ZNF23: variants seen among roughly 807,000 people sequenced by gnomAD.
ZNF23 encodes the protein zinc finger protein 23, also known as kruppel-like zinc finger factor X31.
A neutral mutation model predicts 56.2 loss-of-function variants in ZNF23; 48 were observed. The observed-to-expected ratio is 0.85, with a 90% CI of 0.68 to 1.09. The LOEUF (loss-of-function observed/expected upper bound fraction) is 1.09. Among genes scored for constraint, ZNF23 ranks in the 50% least tolerant of loss-of-function variants. ZNF23 has a pLI of 0.00. For missense variants in ZNF23, 805 were observed against 811.4 expected (o/e 0.99, Z 0.10); for synonymous variants, 266 against 283.3 (o/e 0.94, Z 0.61).
chr16:71,448,550 A>C lies in ZNF23; in HGVS notation c.1604T>G (p.Leu535Arg), dbSNP rs1400438373. 1.2e-6 allele frequency: 2 copies of C among 1,613,972 alleles called. No individual in the cohort carries two copies. The highest frequency in any genetic ancestry group is 2.7e-5 in the African/African-American group (2 of 74,956). Reference sequence around the variant, plus strand: ...TCCAGTATGGATTCGGTGATGATCAAGTAGGTTTCTTTTAGAAGTAAAGCA... The same window carrying C: ...TCCAGTATGGATTCGGTGATGATCACGTAGGTTTCTTTTAGAAGTAAAGCA... ...GRCFTSKRNL[L>R]DHHRIHTGEK... The change falls in exon 5 of 5, where the codon CTT becomes CGT. Residue 535 changes from leucine to arginine, a missense_variant. Leu to Arg is a moderately radical substitution (Grantham distance 102). Coordinates refer to ENST00000647773, the MANE Select transcript of ZNF23 (RefSeq NM_001381984.1).
intron 2 of ZNF23, among the ~76,000 whole-genome samples, chr16:71,456,368 C>A (rs552636630): frequency 6.6e-6 from 1 of 152,274 alleles, no homozygotes; most frequent in South Asian, 2.1e-4. Flanking sequence ...CTTCTCTGAT[C>A]AGGTCCTGCT....
intron 1 of ZNF23, among the ~76,000 whole-genome samples, chr16:71,459,344 G>A (rs922372112): frequency 3.3e-5 from 5 of 152,212 alleles, no homozygotes; most frequent in African/African-American, 1.2e-4. Context: ...CTCCTCAAAC[G>A]CCCTGCAAGG....
At chr16:71,456,402 C>T (rs2043234243) in intron 2 of ZNF23, among the ~76,000 whole-genome samples, 1 of 152,126 alleles carries the variant, frequency 6.6e-6, no homozygotes, top group South Asian at 2.1e-4. Context: ...ACATCCCCAC[C>T]ACAGATAGTC....
At position 71,448,544 on chromosome 16, in the gene ZNF23, T is replaced by A; in HGVS notation, c.1610A>T (p.His537Leu). ...CTTTTCTCCAGTATGGATTCGGTGATGATCAAGTAGGTTTCTTTTAGAAGT... is the reference window on the plus strand; with the variant it reads ...CTTTTCTCCAGTATGGATTCGGTGAAGATCAAGTAGGTTTCTTTTAGAAGT... ...CFTSKRNLLD[H>L]HRIHTGEKPY... The change falls in exon 5 of 5, where the codon CAT (histidine) becomes CTT (leucine). Residue 537 changes from histidine to leucine, a missense_variant. Transcript: ENST00000647773. The A allele has an allele frequency of 1.2e-6, 2 of 1,614,146 alleles. No individual in the cohort carries two copies. The highest frequency in any genetic ancestry group is 1.7e-6 in the Non-Finnish European group (2 of 1,180,024).
chr16:71,454,319 T>C (rs1462636522), intron 2 of ZNF23, 151 bp from the exon 3 acceptor site: 2 of 1,078,946 alleles, frequency 1.9e-6, no homozygotes, highest in Non-Finnish European at 2.5e-6. Flanking sequence ...AAAAAAAATA[T>C]CGAGAAAGTA....
At chr16:71,454,938 G>C (rs1380315803) in intron 2 of ZNF23, among the ~76,000 whole-genome samples, 1 of 152,064 alleles carries the variant, frequency 6.6e-6, no homozygotes, top group African/African-American at 2.4e-5. Context: ...TCACTCCCAG[G>C]CCCAACCACC....
chr16:71,453,848 G>T, intron 3 of ZNF23, 194 bp downstream of exon 3: 1 of 649,300 alleles, frequency 1.5e-6, no homozygotes, highest in Non-Finnish European at 2.7e-6. Flanking sequence ...CCAGTTCCAA[G>T]CAAAGTCCTA....
intron 3 of ZNF23, 132 bp downstream of exon 3, chr16:71,453,910 T>A: frequency 8.9e-7 from 1 of 1,126,770 alleles, no homozygotes; most frequent in Middle Eastern, 2.9e-4. Context: ...CCTCTAAGTC[T>A]AGATTAGGAA....
At position 71,455,928 on chromosome 16, in the gene ZNF23, T is replaced by C. The variant is rs1314412476; in HGVS notation, c.33+836A>G. The C allele has an allele frequency of 1.8e-5, 8 of 434,236 alleles. No homozygotes were observed. In the East Asian group the frequency reaches 2.1e-4, roughly 11 times the overall value. 26.9% of individuals were successfully genotyped at this position (434,236 alleles called of 1,614,324 possible). A position where few individuals can be genotyped will look rare whatever the true frequency, so the allele number is the denominator to read the frequency against. ...TACTCTACTCCCCTTTTGCCTTTTC[T>C]TTTTAGGTGGAAAGAGTACAACACA... On this transcript the variant is annotated intron_variant, in intron 2 of 4. Transcript: ENST00000647773.
At chr16:71,458,282 C>A (rs972616273) in intron 1 of ZNF23, among the ~76,000 whole-genome samples, 2 of 152,310 alleles carry the variant, frequency 1.3e-5, no homozygotes, top group African/African-American at 4.8e-5. Flanking sequence ...ACTTTTACTG[C>A]CCCTAAAGTC....
rs767112076 is a variant in ZNF23 at position 71,449,927 on chromosome 16, G to C, written c.269-42C>G. The C allele has an allele frequency of 1.3e-6, 2 of 1,484,394 alleles. No homozygotes were observed. Among genetic ancestry groups the C allele is most frequent in the Non-Finnish European group, 1.8e-6 (2 of 1,109,808 alleles). The allele number at this position is 1,484,394 out of a possible 1,614,324, so 92.0% of individuals were successfully genotyped here. A position where few individuals can be genotyped will look rare whatever the true frequency, so the allele number is the denominator to read the frequency against. On this transcript the variant is annotated intron_variant, in intron 4 of 4. Transcript: ENST00000647773. ...ACATAAAATGTCATGTAAGAACCAT[G>C]TTAGGAAAAAGAAGAGAACTGTGCT... is the stretch of plus-strand genomic sequence containing the variant.
chr16:71,453,924 C>T lies in ZNF23; in HGVS notation c.160+118G>A, dbSNP rs531537472. 2.1e-5 allele frequency: 26 copies of T among 1,241,684 alleles called. No homozygotes were observed. In the African/African-American group the frequency reaches 3.7e-4, roughly 18 times the overall value. The allele number at this position is 1,241,684 out of a possible 1,614,324, so 76.9% of individuals were successfully genotyped here. A position where few individuals can be genotyped will look rare whatever the true frequency, so the allele number is the denominator to read the frequency against. ...ACCTCTAAGTCTAGATTAGGAACAG[C>T]TCTGGGGTTCTCACTCAGTAAAGGA... On this transcript the variant is annotated intron_variant, in intron 3 of 4. Coordinates refer to ENST00000647773, the MANE Select transcript of ZNF23 (RefSeq NM_001381984.1).
chr16:71,460,289 T>C (rs761592056), intron 1 of ZNF23, among the ~76,000 whole-genome samples: 10 of 151,808 alleles, frequency 6.6e-5, no homozygotes, highest in African/African-American at 1.2e-4. Flanking sequence ...AGGCATTCTT[T>C]GGTCTCTTGG....
chr16:71,452,183 C>T (rs1289321476), intron 4 of ZNF23: 1 of 152,194 alleles, frequency 6.6e-6, no homozygotes, highest in Non-Finnish European at 1.5e-5. Context: ...TGATTAAGAC[C>T]TCACAATATC....
chr16:71,459,354 G>A (rs1317917892), intron 1 of ZNF23, among the ~76,000 whole-genome samples: 1 of 152,224 alleles, frequency 6.6e-6, no homozygotes, highest in East Asian at 1.9e-4. Flanking sequence ...GCCCTGCAAG[G>A]CAGAGCCTGT....
In ZNF23 at chr16:71,449,750, A is replaced by G. The variant is rs2042985984; in HGVS notation, c.404T>C (p.Val135Ala). Residue 135 changes from valine (V) to alanine (A), a missense_variant, in exon 5 of 5, where the codon GTC becomes GCC. Transcript: ENST00000647773. ...CTTCTTTATATTTCCTGCTGAGTGG[A>G]CTTCCTGTTGTTTCTCTAGAAGAGA... The part of the protein sequence containing the change: ...EASLLEKQQE[V>A]HSAGNIKKEK... 3 of 1,613,948 alleles carry G rather than the reference A, an allele frequency of 1.9e-6. No homozygotes were observed. The highest frequency in any genetic ancestry group is 2.5e-6 in the Non-Finnish European group (3 of 1,180,032).
At chr16:71,460,900 T>C (rs191702768) in intron 1 of ZNF23, among the ~76,000 whole-genome samples, 212 of 152,294 alleles carry the variant, frequency 1.4e-3, no homozygotes, top group African/African-American at 5.0e-3. Context: ...ACAACCCACA[T>C]GTCCATTGAA....
chr16:71,458,446 A>G (rs901168363), intron 1 of ZNF23, among the ~76,000 whole-genome samples: 3 of 152,156 alleles, frequency 2.0e-5, no homozygotes. Flanking sequence ...TTTTGAATAT[A>G]TGTGCTTTCT....
At chr16:71,460,295 C>G (rs1373682191) in intron 1 of ZNF23, among the ~76,000 whole-genome samples, 1 of 151,026 alleles carries the variant, frequency 6.6e-6, no homozygotes, top group Non-Finnish European at 1.5e-5. Context: ...TCTTTGGTCT[C>G]TTGGCTCCCT....
Sources: gnomAD v4.1 joint callset for allele counts (sites outside exome capture counted in the v4.1 genomes callset) on GRCh38, gnomAD v4.1.1 for gene constraint, MANE v1.5 for transcripts, NCBI Gene and HGNC (gene_info 2026-07-23, HGNC 2026-07-21) for gene names.